Variants in RNF111 observed in about 807,000 individuals in gnomAD.
The protein encoded by RNF111 is E3 ubiquitin-protein ligase Arkadia.
A neutral mutation model predicts 95.1 loss-of-function variants in RNF111; 17 were observed. The observed-to-expected ratio is 0.18, with a 90% confidence interval of 0.12 to 0.27. RNF111 has a LOEUF of 0.27. Ranked by LOEUF, RNF111 falls within the 10% of genes least tolerant of loss-of-function variation. The probability of loss-of-function intolerance (pLI) is 1.00; values close to 1 mark genes in which losing one functional copy is unlikely to be tolerated. For synonymous variants in RNF111, 440 were observed against 414.8 expected, an observed-to-expected ratio of 1.06 and a Z score of -0.74; for missense variants, 1,189 against 1,210.4, an observed-to-expected ratio of 0.98 and a Z score of 0.26.
intron 1 of RNF111, among the ~76,000 whole-genome samples, chr15:59,012,101 C>T (rs1357762802): frequency 7.4e-6 from 1 of 135,006 alleles, no homozygotes; most frequent in Admixed American, 8.7e-5. Flanking sequence ...TCACTGTAAC[C>T]TCCGCCTCCT....
chr15:59,069,802 A>T (rs1362485235), intron 6 of RNF111, among the ~76,000 whole-genome samples: 1 of 152,104 alleles, frequency 6.6e-6, no homozygotes, highest in Non-Finnish European at 1.5e-5. Context: ...GTACAGCAGA[A>T]AGTAGAGGAG....
intron 2 of RNF111, among the ~76,000 whole-genome samples, chr15:59,033,230 T>A (rs866889733): frequency 2.6e-5 from 4 of 152,212 alleles, no homozygotes; most frequent in Non-Finnish European, 4.4e-5. Context: ...AGTCTACTTT[T>A]GGATGTGCCA....
At chr15:59,079,022 A>G (rs537528628) in intron 7 of RNF111, among the ~76,000 whole-genome samples, 1 of 152,370 alleles carries the variant, frequency 6.6e-6, no homozygotes, top group South Asian at 2.1e-4. Context: ...TCTAGGAAAC[A>G]ATATCAAGAA....
rs1407433356 is a variant in RNF111 at position 59,068,076 on chromosome 15, A to C, written c.1686+993A>C. ...CTTTAACTTTTGTTATGTCACTTCC[A>C]TGTACGATTATGATATAAGTCTGCG... On this transcript the variant is annotated intron_variant, in intron 6 of 13. Transcript: ENST00000348370. Among the ~76,000 whole-genome samples the C allele has an allele frequency of 2.0e-5, 3 of 152,146 alleles. No individual in the cohort carries two copies. In the East Asian group the frequency reaches 5.8e-4, roughly 29 times the overall value.
At position 59,073,541 on chromosome 15, in the gene RNF111, A is replaced by G. The variant is rs145161897; in HGVS notation, c.1687-2413A>G. Among the ~76,000 whole-genome samples, 497 of 152,144 alleles carry G rather than the reference A, an allele frequency of 3.3e-3. 4 individuals are homozygous for G. Among genetic ancestry groups the G allele is most frequent in the African/African-American group, 0.011 (475 of 41,516 alleles). On this transcript the variant is annotated intron_variant, in intron 6 of 13. Transcript: ENST00000348370. Reference sequence around the variant, plus strand: ...CTCCTCCGTCAGAAGCAACTCATTCAGCTTTTATCAGGATTTACGGCAATT... The same window carrying G: ...CTCCTCCGTCAGAAGCAACTCATTCGGCTTTTATCAGGATTTACGGCAATT...
At chr15:59,061,678 T>C (rs772436584) in intron 5 of RNF111, among the ~76,000 whole-genome samples, 4 of 152,232 alleles carry the variant, frequency 2.6e-5, no homozygotes, top group Non-Finnish European at 4.4e-5. Flanking sequence ...ATCTGTGCTC[T>C]ACCTCTTATC....
chr15:59,059,476 T>C (rs987837768), intron 5 of RNF111, among the ~76,000 whole-genome samples: 1 of 152,190 alleles, frequency 6.6e-6, no homozygotes, highest in African/African-American at 2.4e-5. Flanking sequence ...AAAATAGAGT[T>C]ACCATTGGAT....
At chr15:59,069,606 G>T (rs1479611944) in intron 6 of RNF111, among the ~76,000 whole-genome samples, 1 of 152,096 alleles carries the variant, frequency 6.6e-6, no homozygotes, top group African/African-American at 2.4e-5. Flanking sequence ...TATTTGGACT[G>T]CAAACAAAAC....
chr15:58,990,903 C>T (rs1167682368), intron 1 of RNF111, among the ~76,000 whole-genome samples: 1 of 152,084 alleles, frequency 6.6e-6, no homozygotes, highest in Non-Finnish European at 1.5e-5. Context: ...TGTTTCTTTC[C>T]TACATCCTAC....
At chr15:59,047,206 T>C (rs2041755512) in intron 2 of RNF111, among the ~76,000 whole-genome samples, 1 of 152,178 alleles carries the variant, frequency 6.6e-6, no homozygotes, top group Non-Finnish European at 1.5e-5. Flanking sequence ...AAGTGGCTAA[T>C]AAAATTAGGC....
intron 2 of RNF111, among the ~76,000 whole-genome samples, chr15:59,039,000 T>C (rs1397471730): frequency 6.6e-6 from 1 of 152,240 alleles, no homozygotes; most frequent in Non-Finnish European, 1.5e-5. Context: ...GTTTCACTTT[T>C]GTTGCCCAGG....
At chr15:59,092,107 T>C (rs527252263) in intron 12 of RNF111, among the ~76,000 whole-genome samples, 1 of 152,292 alleles carries the variant, frequency 6.6e-6, no homozygotes, top group East Asian at 1.9e-4. Context: ...TCAAAGAGTA[T>C]TGAGGTATTA....
intron 6 of RNF111, among the ~76,000 whole-genome samples, chr15:59,071,028 TGG>T (rs1429544705): frequency 2.6e-5 from 4 of 152,284 alleles, no homozygotes; most frequent in Admixed American, 2.6e-4. Flanking sequence ...CCGGGCGCGG[TGG>T]CTCACGCCTG....
In RNF111 at chr15:59,095,875, T is replaced by G. The variant is rs138766434; in HGVS notation, c.*975T>G. The G allele has an allele frequency of 5.0e-6, 2 of 396,538 alleles. No homozygotes were observed. The highest frequency in any genetic ancestry group is 3.6e-5 in the East Asian group (1 of 27,876). The allele number at this position is 396,538 out of a possible 1,614,324, so 24.6% of individuals were successfully genotyped here. A position where few individuals can be genotyped will look rare whatever the true frequency, so the allele number is the denominator to read the frequency against. On this transcript the variant is annotated 3_prime_UTR_variant, in exon 14 of 14. Coordinates refer to ENST00000348370, the MANE Select transcript of RNF111 (RefSeq NM_017610.8). Reference sequence around the variant, plus strand: ...AATTTAAGTCACTGGCAGGTATCTGTGCATTCATAGAACTTATAAAGGTCC... The same window carrying G: ...AATTTAAGTCACTGGCAGGTATCTGGGCATTCATAGAACTTATAAAGGTCC...
intron 6 of RNF111, 76 bp from the exon 7 acceptor site, chr15:59,075,878 A>T: frequency 6.8e-7 from 1 of 1,467,760 alleles, no homozygotes; most frequent in Non-Finnish European, 9.2e-7. Flanking sequence ...TGGTTATATT[A>T]GGAATACTTT....
At chr15:59,009,896 C>CA (rs1265735552) in intron 1 of RNF111, among the ~76,000 whole-genome samples, 1 of 152,136 alleles carries the variant, frequency 6.6e-6, no homozygotes, top group Non-Finnish European at 1.5e-5. Context: ...GTCAAGGCTG[C>CA]AGTGAGCTGT....
chr15:58,997,318 G>GGTCTACGGA (rs1359094183), intron 1 of RNF111, among the ~76,000 whole-genome samples: 2 of 152,042 alleles, frequency 1.3e-5, no homozygotes, highest in Non-Finnish European at 2.9e-5. Flanking sequence ...GTGTTCAGGA[G>GGTCTACGGA]GTCTACCAGG....
intron 9 of RNF111, among the ~76,000 whole-genome samples, chr15:59,085,062 C>T (rs182029732): frequency 6.6e-6 from 1 of 152,300 alleles, no homozygotes; most frequent in Non-Finnish European, 1.5e-5. Flanking sequence ...AGCAGATTTT[C>T]ATTAGATTAA....
chr15:58,988,533 A>T (rs190491354), intron 1 of RNF111: 1 of 152,388 alleles, frequency 6.6e-6, no homozygotes, highest in Non-Finnish European at 1.5e-5. Flanking sequence ...CAGATTTTGT[A>T]TGGAGTTGGC....
Sources: gnomAD v4.1 joint callset for allele counts (sites outside exome capture counted in the v4.1 genomes callset) on GRCh38, gnomAD v4.1.1 for gene constraint, MANE v1.5 for transcripts, NCBI Gene and HGNC (gene_info 2026-07-23, HGNC 2026-07-21) for gene names.